ACTR3C: variants seen among roughly 807,000 people sequenced by gnomAD.
ACTR3C encodes the protein actin related protein 3C.
Under a neutral mutation model 26.3 loss-of-function variants are expected in ACTR3C, and 18 were observed. The ratio of observed to expected loss-of-function variants is 0.68; its 90% CI spans 0.47 to 1.01. The LOEUF is 1.01. ACTR3C is among the 50% of genes least tolerant of loss of function. The pLI, the probability that ACTR3C is intolerant of heterozygous loss-of-function variation, is 0.00. For missense variants in ACTR3C, 184 were observed against 250.7 expected (o/e 0.73, Z 1.80); for synonymous variants, 55 against 94.5 (o/e 0.58, Z 2.42).
the ACTR3C span, among the ~76,000 whole-genome samples, chr7:149,914,260 T>C: frequency 6.6e-6 from 1 of 152,038 alleles, no homozygotes; most frequent in South Asian, 2.1e-4. Flanking sequence ...AAAAATAATG[T>C]AGGAAATGCT....
At chr7:150,224,058 CAAG>C in the ACTR3C span, among the ~76,000 whole-genome samples, 1 of 152,190 alleles carries the variant, frequency 6.6e-6, no homozygotes, top group African/African-American at 2.4e-5. Flanking sequence ...GGCAAGCACT[CAAG>C]AAGAGCCAGA....
rs1230491984 is a variant in ACTR3C at position 150,323,436 on chromosome 7, C to T, written c.-52+33G>A. On this transcript the variant is annotated intron_variant, in intron 1 of 7. Coordinates refer to ENST00000683684, the MANE Select transcript of ACTR3C (RefSeq NM_001164458.2). ...CACGCGGCCCAGGGGTCAGGGGCCGCCAGGCGGCGGGCGGCGGGGCTGCGG... is the reference window on the plus strand; with the variant it reads ...CACGCGGCCCAGGGGTCAGGGGCCGTCAGGCGGCGGGCGGCGGGGCTGCGG... The T allele has an allele frequency of 1.7e-5, 6 of 345,256 alleles. No homozygotes were observed. The East Asian group carries it at 7.1e-4, about 41-fold the overall frequency. 21.4% of individuals were successfully genotyped at this position (345,256 alleles called of 1,614,324 possible). A position where few individuals can be genotyped will look rare whatever the true frequency, so the allele number is the denominator to read the frequency against.
the ACTR3C span, among the ~76,000 whole-genome samples, chr7:150,137,300 CA>C: frequency 1.9e-4 from 29 of 152,348 alleles, no homozygotes; most frequent in Admixed American, 3.3e-4. Flanking sequence ...GCACCTTCTC[CA>C]GGTTTTCTCG....
chr7:150,043,958 T>C, the ACTR3C span, among the ~76,000 whole-genome samples: 3 of 152,142 alleles, frequency 2.0e-5, no homozygotes, highest in East Asian at 1.9e-4. Context: ...GTCGAAGACA[T>C]AGCGGATGAT....
At chr7:150,167,237 G>A in the ACTR3C span, among the ~76,000 whole-genome samples, 1 of 150,636 alleles carries the variant, frequency 6.6e-6, no homozygotes, top group Admixed American at 6.6e-5. Flanking sequence ...CCTCCATACT[G>A]TTGTTCACTG....
chr7:149,966,112 C>T, the ACTR3C span, among the ~76,000 whole-genome samples: 29 of 152,320 alleles, frequency 1.9e-4, no homozygotes, highest in Middle Eastern at 3.4e-3. Flanking sequence ...GTTGTTTTGG[C>T]GTCTTGCAGG....
chr7:150,028,822 C>T, the ACTR3C span, among the ~76,000 whole-genome samples: 6 of 152,382 alleles, frequency 3.9e-5, no homozygotes, highest in South Asian at 2.1e-4. Flanking sequence ...CCTCCAATGC[C>T]GGGGCCACTG....
At chr7:150,189,331 A>T in the ACTR3C span, among the ~76,000 whole-genome samples, 1 of 152,194 alleles carries the variant, frequency 6.6e-6, no homozygotes, top group Admixed American at 6.5e-5. Flanking sequence ...TGTGATACTC[A>T]TCTATAATAG....
intron 1 of ACTR3C, among the ~76,000 whole-genome samples, chr7:150,319,798 T>C (rs1310461406): frequency 6.6e-6 from 1 of 152,202 alleles, no homozygotes; most frequent in Non-Finnish European, 1.5e-5. Flanking sequence ...TCCCACTTTC[T>C]GTCACCCCTG....
chr7:149,967,642 T>C, the ACTR3C span, among the ~76,000 whole-genome samples: 1 of 152,192 alleles, frequency 6.6e-6, no homozygotes, highest in Non-Finnish European at 1.5e-5. Context: ...GAAATAGCTT[T>C]CACACCGAGG....
chr7:149,903,464 T>A, the ACTR3C span, among the ~76,000 whole-genome samples: 89,711 of 146,792 alleles, frequency 0.61, 28,279 homozygotes, highest in East Asian at 0.91. Flanking sequence ...TAGAATTTTT[T>A]AAATATTTTG....
the ACTR3C span, among the ~76,000 whole-genome samples, chr7:149,974,585 T>C: frequency 6.6e-6 from 1 of 152,136 alleles, no homozygotes; most frequent in Non-Finnish European, 1.5e-5. Flanking sequence ...GTACACAACA[T>C]GCAAATGCAC....
chr7:150,041,839 A>AC, the ACTR3C span, among the ~76,000 whole-genome samples: 1 of 139,880 alleles, frequency 7.1e-6, no homozygotes, highest in Non-Finnish European at 1.5e-5. Flanking sequence ...CAGGGGTGGA[A>AC]GAGGGGATAG....
chr7:150,040,330 T>C, the ACTR3C span, among the ~76,000 whole-genome samples: 4 of 147,836 alleles, frequency 2.7e-5, no homozygotes, highest in African/African-American at 1.0e-4. Context: ...TTTCTCTCTC[T>C]GACGCATACA....
At chr7:150,039,246 G>T in the ACTR3C span, among the ~76,000 whole-genome samples, 70 of 141,222 alleles carry the variant, frequency 5.0e-4, no homozygotes, top group Middle Eastern at 7.9e-3. Context: ...GGAACCAGGG[G>T]CTGGCTCTCA....
the ACTR3C span, among the ~76,000 whole-genome samples, chr7:150,150,213 G>A: frequency 2.6e-5 from 4 of 152,168 alleles, no homozygotes; most frequent in Non-Finnish European, 4.4e-5. Context: ...CCATGCCCTG[G>A]TGAGCAGTGG....
the ACTR3C span, among the ~76,000 whole-genome samples, chr7:150,123,188 C>A: frequency 1.3e-5 from 2 of 151,902 alleles, no homozygotes; most frequent in African/African-American, 4.8e-5. Context: ...ACCTACATAA[C>A]AAACTGCACA....
At chr7:149,968,902 G>A in the ACTR3C span, among the ~76,000 whole-genome samples, 1 of 152,106 alleles carries the variant, frequency 6.6e-6, no homozygotes, top group Non-Finnish European at 1.5e-5. Context: ...CTCCTGTGTT[G>A]CCAGGCATCC....
the ACTR3C span, among the ~76,000 whole-genome samples, chr7:150,186,883 CA>C: frequency 3.3e-5 from 5 of 150,682 alleles, no homozygotes; most frequent in Admixed American, 2.0e-4. Flanking sequence ...TATTTAAAAA[CA>C]AAAAAAAGGA....
Sources: gnomAD v4.1 joint callset for allele counts (sites outside exome capture counted in the v4.1 genomes callset) on GRCh38, gnomAD v4.1.1 for gene constraint, MANE v1.5 for transcripts, NCBI Gene and HGNC (gene_info 2026-07-23, HGNC 2026-07-21) for gene names.